Variants in IL1RAPL1 observed in about 807,000 individuals in gnomAD.
IL1RAPL1 encodes interleukin-1 receptor accessory protein-like 1.
Under a neutral mutation model 48.4 loss-of-function variants are expected in IL1RAPL1, and 3 were observed. The ratio of observed to expected loss-of-function variants is 0.06; its 90% CI spans 0.03 to 0.16. The LOEUF is 0.16. Ranked by LOEUF, IL1RAPL1 falls within the 10% of genes least tolerant of loss-of-function variation. The probability of loss-of-function intolerance (pLI) is 1.00; values close to 1 mark genes in which losing one functional copy is unlikely to be tolerated. For missense variants in IL1RAPL1, 349 were observed against 530.6 expected (o/e 0.66, Z 3.36); for synonymous variants, 185 against 187.7 (o/e 0.99, Z 0.12).
At chrX:29,691,788 T>G (rs896824655) in intron 6 of IL1RAPL1, among the ~76,000 whole-genome samples, 1 of 109,391 alleles carries the variant, frequency 9.1e-6, no homozygotes, top group Non-Finnish European at 1.9e-5. Context: ...TATACTGTTT[T>G]CTGCTGCTAC....
At chrX:28,731,220 TTCA>T (rs1935751007) in intron 1 of IL1RAPL1, among the ~76,000 whole-genome samples, 1 of 112,120 alleles carries the variant, frequency 8.9e-6, no homozygotes, top group African/African-American at 3.2e-5. Flanking sequence ...TTTTTTCTTT[TTCA>T]TCATTATAAA....
At chrX:29,758,958 T>C (rs1172591942) in intron 6 of IL1RAPL1, among the ~76,000 whole-genome samples, 1 of 111,646 alleles carries the variant, frequency 9.0e-6, no homozygotes, top group Non-Finnish European at 1.9e-5. Context: ...AAATGTATTC[T>C]GGGGTTAATA....
intron 1 of IL1RAPL1, among the ~76,000 whole-genome samples, chrX:28,745,671 C>G (rs910106783): frequency 1.8e-5 from 2 of 111,319 alleles, no homozygotes; most frequent in African/African-American, 6.5e-5. Flanking sequence ...AGGGAGAAAA[C>G]AGAAAACAAA....
chrX:29,595,826 A>T (rs935578938), intron 5 of IL1RAPL1, among the ~76,000 whole-genome samples: 4 of 111,486 alleles, frequency 3.6e-5, no homozygotes, highest in Non-Finnish European at 7.5e-5. Context: ...AACATCTAGA[A>T]GGGTTTTTTT....
At chrX:29,943,144 GCCT>G (rs1933159064) in intron 9 of IL1RAPL1, among the ~76,000 whole-genome samples, 1 of 111,804 alleles carries the variant, frequency 8.9e-6, no homozygotes, top group Non-Finnish European at 1.9e-5. Context: ...TTAGGGTGAA[GCCT>G]GAGCTGCAGC....
At chrX:28,619,433 AAAAC>A (rs956215620) in intron 1 of IL1RAPL1, among the ~76,000 whole-genome samples, 2 of 108,622 alleles carry the variant, frequency 1.8e-5, no homozygotes, top group African/African-American at 3.4e-5. Context: ...CATCTCTACA[AAAAC>A]AAACAAACAA....
At chrX:29,707,286 A>T (rs1259267711) in intron 6 of IL1RAPL1, among the ~76,000 whole-genome samples, 1 of 111,660 alleles carries the variant, frequency 9.0e-6, no homozygotes, top group East Asian at 2.8e-4. Context: ...AATAAAAAAA[A>T]AATAGTTGTT....
intron 4 of IL1RAPL1, among the ~76,000 whole-genome samples, chrX:29,398,305 A>G (rs1331729226): frequency 8.9e-6 from 1 of 112,134 alleles, no homozygotes; most frequent in Admixed American, 9.5e-5. Flanking sequence ...GTTCTGCAAA[A>G]ATTTGATTTG....
At chrX:28,972,197 A>C (rs375254749) in intron 2 of IL1RAPL1, among the ~76,000 whole-genome samples, 8 of 111,306 alleles carry the variant, frequency 7.2e-5, no homozygotes, top group South Asian at 3.7e-4. Flanking sequence ...GTCCAGATCT[A>C]TTCATTGCCT....
intron 5 of IL1RAPL1, among the ~76,000 whole-genome samples, chrX:29,511,817 C>G (rs1327946570): frequency 1.8e-5 from 2 of 110,963 alleles, no homozygotes; most frequent in Non-Finnish European, 1.9e-5. Context: ...GGCTGGAGAC[C>G]TAGCATTACA....
At chrX:29,035,168 C>G (rs1926706320) in intron 2 of IL1RAPL1, among the ~76,000 whole-genome samples, 1 of 111,247 alleles carries the variant, frequency 9.0e-6, no homozygotes, top group Non-Finnish European at 1.9e-5. Context: ...TTAGCCAGGT[C>G]GATCTCCTGA....
chrX:28,710,614 A>T (rs1449375833), intron 1 of IL1RAPL1, among the ~76,000 whole-genome samples: 1 of 110,806 alleles, frequency 9.0e-6, no homozygotes, highest in African/African-American at 3.3e-5. Context: ...ATAGGTTAGG[A>T]CTGTCCAAAA....
At chrX:29,457,055 G>A (rs1602243942) in intron 5 of IL1RAPL1, among the ~76,000 whole-genome samples, 1 of 109,986 alleles carries the variant, frequency 9.1e-6, no homozygotes, top group African/African-American at 3.3e-5. Flanking sequence ...GATCACTTGA[G>A]CCCAGGAGAT....
intron 6 of IL1RAPL1, among the ~76,000 whole-genome samples, chrX:29,892,638 C>G (rs770928840): frequency 8.9e-6 from 1 of 112,332 alleles, no homozygotes; most frequent in Non-Finnish European, 1.9e-5. Context: ...TCTGCATGGA[C>G]TGGATCAAGT....
At chrX:29,549,023 T>C (rs1395985487) in intron 5 of IL1RAPL1, among the ~76,000 whole-genome samples, 2 of 111,740 alleles carry the variant, frequency 1.8e-5, no homozygotes, top group African/African-American at 6.5e-5. Context: ...AAACTGTCTA[T>C]TGGAATTCTT....
intron 1 of IL1RAPL1, among the ~76,000 whole-genome samples, chrX:28,727,926 G>A (rs1278412750): frequency 6.4e-5 from 7 of 109,219 alleles, no homozygotes; most frequent in African/African-American, 2.0e-4. Context: ...GTTGTGGGGT[G>A]GGGGAAGGGG....
chrX:28,676,754 A>G (rs1390331134), intron 1 of IL1RAPL1, among the ~76,000 whole-genome samples: 1 of 109,329 alleles, frequency 9.1e-6, no homozygotes, highest in Non-Finnish European at 1.9e-5. Context: ...AACCAACAAA[A>G]CAAAACCCGC....
chrX:29,410,158 C>A (rs769259714), intron 5 of IL1RAPL1, among the ~76,000 whole-genome samples: 1 of 109,931 alleles, frequency 9.1e-6, no homozygotes. Context: ...AACTTACTCA[C>A]CCTTAAAAAT....
At chrX:29,592,272 G>A (rs1259531865) in intron 5 of IL1RAPL1, among the ~76,000 whole-genome samples, 1 of 111,691 alleles carries the variant, frequency 9.0e-6, no homozygotes, top group Non-Finnish European at 1.9e-5. Flanking sequence ...TGTATCATCT[G>A]TGAATGAGAT....
Sources: allele counts gnomAD v4.1 joint callset (sites outside exome capture counted in the v4.1 genomes callset), GRCh38; gene constraint gnomAD v4.1.1; transcripts MANE v1.5; gene names NCBI Gene and HGNC (gene_info 2026-07-23, HGNC 2026-07-21).